The following KAZN variants were observed in gnomAD, a reference collection of about 807,000 sequenced individuals.
KAZN encodes kazrin.
Under a neutral mutation model 87.4 loss-of-function variants are expected in KAZN, and 40 were observed. The observed-to-expected ratio is 0.46, with a 90% confidence interval of 0.36 to 0.60. The LOEUF is 0.60. Among genes scored for constraint, KAZN ranks in the 20% least tolerant of loss-of-function variants. KAZN has a pLI of 0.00. For missense variants in KAZN, 898 were observed against 1,073.9 expected (o/e 0.84, Z 2.29); for synonymous variants, 466 against 458.3 (o/e 1.02, Z -0.22).
At chr1:15,020,750 C>T (rs917929364) in intron 2 of KAZN, among the ~76,000 whole-genome samples, 1 of 152,192 alleles carries the variant, frequency 6.6e-6, no homozygotes, top group Admixed American at 6.5e-5. Flanking sequence ...TGCAGGTGAA[C>T]GCACAGATGC....
At position 14,448,715 on chromosome 1, in the gene KAZN, A is replaced by G. The variant is rs182331832; in HGVS notation, c.250-150268A>G. 2.2e-4 allele frequency among the ~76,000 whole-genome samples: 34 copies of G among 152,260 alleles called. No individual in the cohort carries two copies. In the East Asian group the frequency reaches 6.4e-3, roughly 29 times the overall value. On this transcript the variant is annotated intron_variant, in intron 2 of 16. Coordinates refer to the KAZN transcript ENST00000636203. ...ACAGAATAGCAGGCAACAGAAGCAA[A>G]ATGGTCCAACACGGAGTTGGGCGAG... is the stretch of plus-strand genomic sequence containing the variant.
chr1:14,527,069 T>C (rs573434079), intron 2 of KAZN, among the ~76,000 whole-genome samples: 10 of 152,330 alleles, frequency 6.6e-5, no homozygotes, highest in South Asian at 2.1e-4. Context: ...CCGAATTCAA[T>C]GGATTAAAAC....
chr1:14,229,946 A>G (rs1647653908), intron 2 of KAZN, among the ~76,000 whole-genome samples: 1 of 152,204 alleles, frequency 6.6e-6, no homozygotes, highest in Admixed American at 6.5e-5. Flanking sequence ...TCCCTACATT[A>G]TTTCAGGCTC....
chr1:15,012,273 G>T (rs1328999806), intron 2 of KAZN, among the ~76,000 whole-genome samples: 2 of 152,160 alleles, frequency 1.3e-5, no homozygotes, highest in Non-Finnish European at 2.9e-5. Flanking sequence ...CCAGTTTCCT[G>T]CTGGTAGAGA....
At chr1:14,743,016 C>T (rs1644153985) in intron 1 of KAZN, among the ~76,000 whole-genome samples, 2 of 152,284 alleles carry the variant, frequency 1.3e-5, no homozygotes, top group East Asian at 1.9e-4. Flanking sequence ...GAGATCTTTG[C>T]TTTGGTGGAT....
At chr1:14,844,564 G>A (rs1430623895) in intron 1 of KAZN, among the ~76,000 whole-genome samples, 1 of 152,146 alleles carries the variant, frequency 6.6e-6, no homozygotes, top group Non-Finnish European at 1.5e-5. Context: ...CATCCCTTTG[G>A]GCACCAAGCC....
At chr1:14,117,507 G>A (rs1644652428) in intron 1 of KAZN, among the ~76,000 whole-genome samples, 1 of 152,098 alleles carries the variant, frequency 6.6e-6, no homozygotes, top group Non-Finnish European at 1.5e-5. Context: ...CTGGTCTCAA[G>A]TATGTCTTTA....
chr1:14,097,464 A>G (rs1644153763), intron 1 of KAZN, among the ~76,000 whole-genome samples: 1 of 152,160 alleles, frequency 6.6e-6, no homozygotes, highest in South Asian at 2.1e-4. Flanking sequence ...CCATAGAGTG[A>G]CCTTTAATAT....
intron 1 of KAZN, among the ~76,000 whole-genome samples, chr1:13,965,794 G>A (rs772534545): frequency 1.7e-4 from 26 of 152,118 alleles, no homozygotes; most frequent in Non-Finnish European, 3.5e-4. Flanking sequence ...TAACCGGTGG[G>A]TCTATCTGAT....
At chr1:13,942,301 G>A (rs1188594448) in intron 1 of KAZN, among the ~76,000 whole-genome samples, 1 of 151,774 alleles carries the variant, frequency 6.6e-6, no homozygotes, top group Admixed American at 6.6e-5. Context: ...AGCACTTTGG[G>A]AGGCCGAGGC....
chr1:14,390,566 T>G (rs1662332710), intron 2 of KAZN: 1 of 152,236 alleles, frequency 6.6e-6, no homozygotes, highest in African/African-American at 2.4e-5. Context: ...GATCATGTTT[T>G]GTATTGCTGG....
At chr1:14,620,992 A>G (rs1678653640) in intron 1 of KAZN, among the ~76,000 whole-genome samples, 1 of 152,116 alleles carries the variant, frequency 6.6e-6, no homozygotes, top group South Asian at 2.1e-4. Flanking sequence ...GAGCTGTCAC[A>G]TCAGCCTCCC....
intron 8 of KAZN, among the ~76,000 whole-genome samples, chr1:15,084,133 T>TG (rs747923457): frequency 1.3e-5 from 2 of 152,220 alleles, no homozygotes; most frequent in African/African-American, 2.4e-5. Flanking sequence ...AGGGCTGAGC[T>TG]GGGGGGAAAG....
chr1:14,671,508 A>C (rs1639915277), intron 1 of KAZN, among the ~76,000 whole-genome samples: 1 of 152,222 alleles, frequency 6.6e-6, no homozygotes, highest in South Asian at 2.1e-4. Flanking sequence ...CCTGCTTTGC[A>C]CCAGCTCCCT....
chr1:14,253,837 A>G (rs888444088), intron 2 of KAZN, among the ~76,000 whole-genome samples: 1 of 151,872 alleles, frequency 6.6e-6, no homozygotes, highest in Admixed American at 6.6e-5. Context: ...CTCCCCGGCC[A>G]GATATTCATG....
intron 1 of KAZN, among the ~76,000 whole-genome samples, chr1:14,619,886 C>T (rs963716545): frequency 6.6e-6 from 1 of 152,204 alleles, no homozygotes; most frequent in African/African-American, 2.4e-5. Flanking sequence ...TCTTTACGAC[C>T]GTATAACATT....
chr1:14,745,284 ATCACATGCTTTCTTTAAC>A (rs1644231918), intron 1 of KAZN, among the ~76,000 whole-genome samples: 1 of 151,964 alleles, frequency 6.6e-6, no homozygotes. Context: ...AAAAAGGAAA[ATCACATGCTTTCTTTAAC>A]AAAAGGGCTT....
chr1:13,926,539 G>A (rs1034649890), intron 1 of KAZN, among the ~76,000 whole-genome samples: 1 of 151,882 alleles, frequency 6.6e-6, no homozygotes, highest in Non-Finnish European at 1.5e-5. Context: ...GCATGTACAC[G>A]TGTAGCCAGT....
chr1:13,929,387 C>T (rs192995764), intron 1 of KAZN, among the ~76,000 whole-genome samples: 106 of 152,274 alleles, frequency 7.0e-4, no homozygotes, highest in African/African-American at 2.1e-3. Context: ...TCCCACTGTG[C>T]GCTCTTCATC....
Sources: gnomAD v4.1 joint callset for allele counts (sites outside exome capture counted in the v4.1 genomes callset) on GRCh38, gnomAD v4.1.1 for gene constraint, MANE v1.5 for transcripts, NCBI Gene and HGNC (gene_info 2026-07-23, HGNC 2026-07-21) for gene names.